The following CDH18 variants were observed in gnomAD, a reference collection of about 807,000 sequenced individuals.
The protein encoded by CDH18 is cadherin 18.
CDH18 carries 31 observed loss-of-function variants against 67.9 expected under a neutral mutation model. The ratio of observed to expected loss-of-function variants is 0.46; its 90% CI spans 0.34 to 0.62. The LOEUF (loss-of-function observed/expected upper bound fraction) is 0.62. Among genes scored for constraint, CDH18 ranks in the 20% least tolerant of loss-of-function variants. The pLI is 0.01. For synonymous variants in CDH18, 362 were observed against 347.2 expected (o/e 1.04, Z -0.48); for missense variants, 890 against 975.5 (o/e 0.91, Z 1.17).
At chr5:20,228,762 A>T (rs1318209902) in intron 2 of CDH18, among the ~76,000 whole-genome samples, 1 of 152,038 alleles carries the variant, frequency 6.6e-6, no homozygotes, top group Non-Finnish European at 1.5e-5. Context: ...TATCCTCCAC[A>T]TTCACCTATG....
intron 1 of CDH18, among the ~76,000 whole-genome samples, chr5:20,410,704 A>G (rs190433670): frequency 6.6e-6 from 1 of 151,822 alleles, no homozygotes; most frequent in Non-Finnish European, 1.5e-5. Context: ...GAAAAAAAAT[A>G]TATAAAATTT....
At chr5:20,348,313 G>A (rs1740878060) in intron 1 of CDH18, among the ~76,000 whole-genome samples, 1 of 152,088 alleles carries the variant, frequency 6.6e-6, no homozygotes. Context: ...CAAACATGTA[G>A]GCAAATCTGT....
intron 2 of CDH18, among the ~76,000 whole-genome samples, chr5:20,157,355 T>C (rs1751608999): frequency 6.6e-6 from 1 of 152,184 alleles, no homozygotes; most frequent in African/African-American, 2.4e-5. Context: ...TATTATAAAG[T>C]GCAATGGAAT....
At chr5:20,486,276 A>G (rs528433150) in intron 1 of CDH18, among the ~76,000 whole-genome samples, 42 of 152,336 alleles carry the variant, frequency 2.8e-4, no homozygotes, top group African/African-American at 9.6e-4. Flanking sequence ...CAAAAGGAAC[A>G]TGGTATATTG....
intron 5 of CDH18, among the ~76,000 whole-genome samples, chr5:19,641,500 C>T (rs909143789): frequency 6.6e-6 from 1 of 151,848 alleles, no homozygotes; most frequent in African/African-American, 2.4e-5. Flanking sequence ...ACCATGACCA[C>T]GTGAGATTTA....
intron 2 of CDH18, among the ~76,000 whole-genome samples, chr5:20,255,256 A>G (rs1250604032): frequency 1.3e-5 from 2 of 152,186 alleles, no homozygotes; most frequent in Non-Finnish European, 2.9e-5. Flanking sequence ...TGAGTTTCTT[A>G]AAGAGTGATT....
rs981113463 is a variant in CDH18, at chr5:20,403,849, C to T, written c.-579-148344G>A. Reference sequence around the variant, plus strand: ...GTTCTTCAAAGCTTTAAAAACCAGGCATTTACTTCTCTCTACATGAAAGTT... The same window carrying T: ...GTTCTTCAAAGCTTTAAAAACCAGGTATTTACTTCTCTCTACATGAAAGTT... On this transcript the variant is annotated intron_variant, in intron 1 of 14. Coordinates refer to the CDH18 transcript ENST00000507958. 2.0e-5 allele frequency among the ~76,000 whole-genome samples: 3 copies of T among 152,160 alleles called. No individual in the cohort carries two copies. In the South Asian group the frequency reaches 6.2e-4, roughly 32 times the overall value.
chr5:19,748,061 C>A (rs1399457758), intron 3 of CDH18, among the ~76,000 whole-genome samples: 1 of 128,342 alleles, frequency 7.8e-6, no homozygotes, highest in African/African-American at 3.0e-5. Flanking sequence ...TGCAGTGAGC[C>A]GAGATCGCGC....
chr5:20,452,996 C>A (rs1050293990), intron 1 of CDH18, among the ~76,000 whole-genome samples: 1 of 152,124 alleles, frequency 6.6e-6, no homozygotes, highest in Non-Finnish European at 1.5e-5. Flanking sequence ...CATTATAATA[C>A]ACAGGCTGAT....
chr5:20,510,015 G>A (rs1754930066), intron 1 of CDH18, among the ~76,000 whole-genome samples: 1 of 152,128 alleles, frequency 6.6e-6, no homozygotes, highest in African/African-American at 2.4e-5. Context: ...CACTGTCAGT[G>A]TACGTGGTTC....
chr5:19,647,275 C>CA (rs1754894047), intron 5 of CDH18, among the ~76,000 whole-genome samples: 1 of 151,894 alleles, frequency 6.6e-6, no homozygotes, highest in Non-Finnish European at 1.5e-5. Flanking sequence ...ACAATCCCAG[C>CA]ACTTTGGTAG....
intron 1 of CDH18, among the ~76,000 whole-genome samples, chr5:20,377,130 T>C (rs1018805347): frequency 6.6e-6 from 1 of 152,166 alleles, no homozygotes; most frequent in Non-Finnish European, 1.5e-5. Flanking sequence ...GATAAGAAAG[T>C]AGAAACTCCG....
intron 1 of CDH18, among the ~76,000 whole-genome samples, chr5:20,403,020 CA>C (rs11375333): frequency 0.14 from 20,428 of 144,036 alleles, 1,752 homozygotes; most frequent in East Asian, 0.27. Context: ...ACTAAAAATA[CA>C]AAAAAAAAAA....
intron 1 of CDH18, among the ~76,000 whole-genome samples, chr5:20,418,256 T>TTTTTTTTTTTTC (rs1427682457): frequency 7.6e-6 from 1 of 131,748 alleles, no homozygotes; most frequent in Non-Finnish European, 1.6e-5. Flanking sequence ...TTTTTTTTTT[T>TTTTTTTTTTTTC]TTTTTTTTTT....
intron 4 of CDH18, among the ~76,000 whole-genome samples, chr5:19,742,270 T>C (rs1310908263): frequency 6.6e-6 from 1 of 152,130 alleles, no homozygotes; most frequent in East Asian, 1.9e-4. Flanking sequence ...AATAATCTGA[T>C]AAAATCTTAC....
intron 4 of CDH18, among the ~76,000 whole-genome samples, chr5:19,725,335 G>A (rs1766693231): frequency 6.6e-6 from 1 of 152,024 alleles, no homozygotes; most frequent in South Asian, 2.1e-4. Flanking sequence ...ACTAAAAGTT[G>A]GTTTTGAAGA....
chr5:20,214,437 C>T (rs1431042620), intron 2 of CDH18, among the ~76,000 whole-genome samples: 1 of 151,980 alleles, frequency 6.6e-6, no homozygotes, highest in African/African-American at 2.4e-5. Context: ...CAACTTCAAG[C>T]TATACTACAG....
chr5:20,530,266 C>T (rs1756317613), intron 1 of CDH18, among the ~76,000 whole-genome samples: 1 of 151,816 alleles, frequency 6.6e-6, no homozygotes, highest in African/African-American at 2.4e-5. Context: ...ACATTCTATG[C>T]TAAAAGATAG....
At chr5:19,822,782 T>C (rs771567346) in intron 3 of CDH18, among the ~76,000 whole-genome samples, 2 of 152,154 alleles carry the variant, frequency 1.3e-5, no homozygotes, top group Non-Finnish European at 2.9e-5. Flanking sequence ...CGCATTGTCA[T>C]TGATAACATT....
Sources: allele counts gnomAD v4.1 joint callset (sites outside exome capture counted in the v4.1 genomes callset), GRCh38; gene constraint gnomAD v4.1.1; transcripts MANE v1.5; gene names NCBI Gene and HGNC (gene_info 2026-07-23, HGNC 2026-07-21).